The following MAP3K21 variants were observed in gnomAD, a reference collection of about 807,000 sequenced individuals.
The protein encoded by MAP3K21 is mitogen-activated protein kinase kinase kinase MLK4.
Under a neutral mutation model 86.1 loss-of-function variants are expected in MAP3K21, and 63 were observed. The ratio of observed to expected loss-of-function variants is 0.73; its 90% confidence interval spans 0.60 to 0.90. MAP3K21 has a LOEUF of 0.90. Among genes scored for constraint, MAP3K21 ranks in the 40% least tolerant of loss-of-function variants. The pLI, the probability that MAP3K21 is intolerant of heterozygous loss-of-function variation, is 0.00. For synonymous variants in MAP3K21, 558 were observed against 564.8 expected (o/e 0.99, Z 0.17); for missense variants, 1,220 against 1,367.7 (o/e 0.89, Z 1.70).
chr1:233,328,970 G>A lies in MAP3K21; in HGVS notation c.805+137G>A, dbSNP rs753757936. On this transcript the variant is annotated intron_variant, in intron 1 of 9. Transcript: ENST00000366624. The surrounding 1 kb of genome is among the most constrained non-coding windows in gnomAD (Gnocchi z 8.7). ...GCAGCAACTCATGCCCAGGCCTTCA[G>A]GGCTCGGAAGTCCAGCTAGTCCTTG... 2.4e-6 allele frequency: 2 copies of A among 835,320 alleles called. No individual in the cohort carries two copies. The highest frequency in any genetic ancestry group is 4.0e-4 in the Middle Eastern group (1 of 2,498). The allele number at this position is 835,320 out of a possible 1,614,324, so 51.7% of individuals were successfully genotyped here.
chr1:233,339,285 C>G (rs1262378187), intron 1 of MAP3K21, among the ~76,000 whole-genome samples: 3 of 107,676 alleles, frequency 2.8e-5, no homozygotes, highest in Admixed American at 8.8e-5. Context: ...TCTTCTTCTT[C>G]TTCTTCCTCT....
intron 1 of MAP3K21, among the ~76,000 whole-genome samples, chr1:233,341,596 G>A (rs955370394): frequency 1.1e-4 from 16 of 152,142 alleles, no homozygotes; most frequent in Non-Finnish European, 2.2e-4. Flanking sequence ...AATATCATAC[G>A]CTGCCATCCG....
intron 6 of MAP3K21, chr1:233,373,875 G>A (rs1008018516): frequency 6.6e-6 from 1 of 152,256 alleles, no homozygotes; most frequent in Non-Finnish European, 1.5e-5. Flanking sequence ...AATCAATGTG[G>A]AAACAAAAGA....
chr1:233,341,314 G>T (rs1013866503), intron 1 of MAP3K21, among the ~76,000 whole-genome samples: 6 of 152,174 alleles, frequency 3.9e-5, no homozygotes, highest in African/African-American at 1.4e-4. Context: ...ACCTGGCAGT[G>T]TGCCCCATTA....
At chr1:233,358,253 G>C (rs1663401751) in intron 4 of MAP3K21, among the ~76,000 whole-genome samples, 2 of 151,684 alleles carry the variant, frequency 1.3e-5, no homozygotes, top group Non-Finnish European at 2.9e-5. Flanking sequence ...TAAATTAAGT[G>C]TTAGTCTCAG....
At chr1:233,336,907 G>A (rs1662926971) in intron 1 of MAP3K21, among the ~76,000 whole-genome samples, 1 of 152,182 alleles carries the variant, frequency 6.6e-6, no homozygotes, top group Non-Finnish European at 1.5e-5. Context: ...TAAATGTATG[G>A]TAAGTCATAG....
chr1:233,381,162 TC>T (rs1471181118), intron 9 of MAP3K21, among the ~76,000 whole-genome samples: 1 of 152,204 alleles, frequency 6.6e-6, no homozygotes, highest in Non-Finnish European at 1.5e-5. Flanking sequence ...CATTGTAGTG[TC>T]ATGGTTAATA....
chr1:233,367,009 CAG>C (rs1478038317), intron 5 of MAP3K21, among the ~76,000 whole-genome samples: 2 of 152,200 alleles, frequency 1.3e-5, no homozygotes, highest in African/African-American at 4.8e-5. Flanking sequence ...AGCATGGTCA[CAG>C]TGCATCTTTT....
In MAP3K21 at chr1:233,372,050, A is replaced by G; in HGVS notation, c.1565A>G (p.Lys522Arg). 1 of 1,613,292 alleles carries G rather than the reference A, an allele frequency of 6.2e-7. No homozygotes were observed. Among genetic ancestry groups the G allele is most frequent in the Non-Finnish European group, 8.5e-7 (1 of 1,179,690 alleles). Residue 522 changes from lysine (K) to arginine (R), a missense_variant, in exon 6 of 10, where the codon AAG becomes AGG. Lys to Arg is a conservative substitution (Grantham distance 26). Around this residue, in one of 5 missense-constraint regions of MAP3K21, gnomAD observed 632 missense variants for 691.3 expected, o/e 0.91. Coordinates refer to ENST00000366624, the MANE Select transcript of MAP3K21 (RefSeq NM_032435.3). The part of the protein sequence containing the change: ...RISLPSDFQH[K>R]ITVQASPNLD... ...TTGCCTCCAACAGATTTCCAGCACA[A>G]GATAACCGTGCAGGCCTCTCCCAAC...
rs896324078 is a variant in MAP3K21, at chr1:233,327,781, C to G, written c.-248C>G. On this transcript the variant is annotated 5_prime_UTR_variant, in exon 1 of 10. Transcript: ENST00000366624. ...GCGGGCCGGCCGCAGGGCCTGGGCACGACCATGGTGGGACGTCGCCCGCGG... is the reference window on the plus strand; with the variant it reads ...GCGGGCCGGCCGCAGGGCCTGGGCAGGACCATGGTGGGACGTCGCCCGCGG... 1.6e-5 allele frequency: 5 copies of G among 312,700 alleles called. No homozygotes were observed. Among genetic ancestry groups the G allele is most frequent in the Admixed American group, 1.0e-4 (2 of 19,798 alleles). 19.4% of individuals were successfully genotyped at this position (312,700 alleles called of 1,614,324 possible). A position where few individuals can be genotyped will look rare whatever the true frequency, so the allele number is the denominator to read the frequency against.
chr1:233,331,749 TTTTC>T (rs1662811457), intron 1 of MAP3K21, among the ~76,000 whole-genome samples: 1 of 152,194 alleles, frequency 6.6e-6, no homozygotes, highest in African/African-American at 2.4e-5. Context: ...TCTTGACAGA[TTTTC>T]TTTTATCTTT....
chr1:233,374,448 A>G (rs1663748742), intron 6 of MAP3K21, among the ~76,000 whole-genome samples: 2 of 152,350 alleles, frequency 1.3e-5, no homozygotes, highest in African/African-American at 4.8e-5. Flanking sequence ...TGCTGGGATT[A>G]CAGGCGTGAG....
At chr1:233,331,516 A>T (rs1353281251) in intron 1 of MAP3K21, among the ~76,000 whole-genome samples, 1 of 152,238 alleles carries the variant, frequency 6.6e-6, no homozygotes, top group Non-Finnish European at 1.5e-5. Flanking sequence ...AGTATAACAG[A>T]TACTCTATTG....
intron 7 of MAP3K21, 73 bp downstream of exon 7, chr1:233,376,139 C>A: frequency 1.5e-6 from 2 of 1,306,052 alleles, no homozygotes; most frequent in Non-Finnish European, 2.1e-6. Context: ...ATCACATCAG[C>A]CAGACTTTCA....
intron 5 of MAP3K21, among the ~76,000 whole-genome samples, chr1:233,363,487 C>G (rs575912950): frequency 2.3e-4 from 35 of 152,156 alleles, no homozygotes; most frequent in African/African-American, 8.4e-4. Context: ...CACCTGAGGT[C>G]AGGAGTTCAA....
intron 6 of MAP3K21, among the ~76,000 whole-genome samples, chr1:233,374,357 G>C (rs1663746598): frequency 6.6e-6 from 1 of 151,990 alleles, no homozygotes; most frequent in South Asian, 2.1e-4. Context: ...TGTATTTTTA[G>C]TAAAGACGGA....
At chr1:233,343,684 C>T (rs1251244732) in intron 1 of MAP3K21, among the ~76,000 whole-genome samples, 3 of 152,224 alleles carry the variant, frequency 2.0e-5, no homozygotes, top group Admixed American at 2.0e-4. Flanking sequence ...TTGAGCTTCA[C>T]TGCTCCTTAG....
rs1180303514 is a variant in MAP3K21, at chr1:233,383,223, A to G, written c.*512A>G. 8.0e-6 allele frequency: 1 copy of G among 125,390 alleles called. No homozygotes were observed. Among genetic ancestry groups the G allele is most frequent in the East Asian group, 2.4e-4 (1 of 4,200 alleles). 7.8% of individuals were successfully genotyped at this position (125,390 alleles called of 1,614,324 possible). On this transcript the variant is annotated 3_prime_UTR_variant, in exon 10 of 10. Transcript: ENST00000366624. ...AGTTTCTTGGCAAGAATAATGTGAT[A>G]TTAGTAAGTAAAGGTCTTAAAAGTC...
rs775382841 is a variant in MAP3K21, at chr1:233,328,375, C to T, written c.347C>T (p.Pro116Leu). ...CCGCCGCCCTCGCGGCCCAGCTCCC[C>T]GGTACACGTCGCCTTCGAGCGGCTG... ...PAPPPSRPSS[P>L]VHVAFERLEL... Residue 116 changes from proline (P) to leucine (L), a missense_variant, in exon 1 of 10, where the codon CCG (proline) becomes CTG (leucine). Transcript: ENST00000366624. The surrounding 1 kb of genome is among the most constrained non-coding windows in gnomAD (Gnocchi z 8.7). 1.3e-4 allele frequency: 191 copies of T among 1,483,642 alleles called. 1 individual carries two copies. Among genetic ancestry groups the T allele is most frequent in the Non-Finnish European group, 1.5e-4 (174 of 1,124,740 alleles). 91.9% of individuals were successfully genotyped at this position (1,483,642 alleles called of 1,614,324 possible). A position where few individuals can be genotyped will look rare whatever the true frequency, so the allele number is the denominator to read the frequency against.
Sources: allele counts gnomAD v4.1 joint callset (sites outside exome capture counted in the v4.1 genomes callset), GRCh38; gene constraint gnomAD v4.1.1; regional missense constraint gnomAD v4.1.1; non-coding constraint Gnocchi (gnomAD v3.1); transcripts MANE v1.5; gene names NCBI Gene and HGNC (gene_info 2026-07-23, HGNC 2026-07-21).